The following CAPRIN1 variants were observed in gnomAD, a reference collection of about 807,000 sequenced individuals.
CAPRIN1 encodes the protein caprin-1.
CAPRIN1 carries 29 observed loss-of-function variants against 100.9 expected under a neutral mutation model. The observed-to-expected ratio is 0.29, with a 90% CI of 0.21 to 0.39. The LOEUF (loss-of-function observed/expected upper bound fraction) is 0.39, where lower values mean the gene tolerates loss of function less well. Among genes scored for constraint, CAPRIN1 ranks in the 10% least tolerant of loss-of-function variants. The pLI is 1.00. For missense variants in CAPRIN1, 795 were observed against 876.7 expected, an observed-to-expected ratio of 0.91 and a Z score of 1.18; for synonymous variants, 338 against 307.5, an observed-to-expected ratio of 1.10 and a Z score of -1.04.
intron 11 of CAPRIN1, 105 bp from the exon 12 acceptor site, chr11:34,089,283 CAAAAAAA>C (rs547881239): frequency 3.7e-4 from 8 of 21,550 alleles, no homozygotes; most frequent in Admixed American, 1.3e-3. Flanking sequence ...CCCCCCCCCG[CAAAAAAA>C]AAAAAAAAAA....
intron 2 of CAPRIN1, among the ~76,000 whole-genome samples, chr11:34,067,652 C>A (rs1850725580): frequency 6.6e-6 from 1 of 152,048 alleles, no homozygotes; most frequent in Non-Finnish European, 1.5e-5. Flanking sequence ...TAAAAAATTT[C>A]CACGCCTCGG....
In CAPRIN1 at chr11:34,099,541, A is replaced by G; in HGVS notation, c.*174A>G. On this transcript the variant is annotated 3_prime_UTR_variant, in exon 19 of 19. Coordinates refer to ENST00000341394, the MANE Select transcript of CAPRIN1 (RefSeq NM_005898.5). Reference sequence around the variant, plus strand: ...ATTGTCAGCTTTCTATTACCTGGATATGGAAGGAAACTATTTTTACTCTGC... The same window carrying G: ...ATTGTCAGCTTTCTATTACCTGGATGTGGAAGGAAACTATTTTTACTCTGC... 1.6e-6 allele frequency: 1 copy of G among 618,986 alleles called. No homozygotes were observed. Among genetic ancestry groups the G allele is most frequent in the Non-Finnish European group, 2.9e-6 (1 of 347,070 alleles). The allele number at this position is 618,986 out of a possible 1,614,324, so 38.3% of individuals were successfully genotyped here.
At chr11:34,083,177 G>T in intron 9 of CAPRIN1, 136 bp downstream of exon 9, 1 of 633,966 alleles carries the variant, frequency 1.6e-6, no homozygotes. Context: ...ACACCAGACT[G>T]TTACTTCCAA....
At chr11:34,082,782 A>G (rs1851059149) in intron 7 of CAPRIN1, 43 bp from the exon 8 acceptor site, 4 of 1,481,446 alleles carry the variant, frequency 2.7e-6, no homozygotes, top group Non-Finnish European at 3.8e-6. Flanking sequence ...AGTATCACTG[A>G]CCTAAAAATC....
Position 34,091,908 on chromosome 11 carries a change from G to A in CAPRIN1, c.1557G>A (p.Val519=), listed in dbSNP as rs1851272555. The change falls in exon 15 of 19, where the codon GTG becomes GTA. Residue 519 remains valine, a splice_region_variant and synonymous_variant. Coordinates refer to ENST00000341394, the MANE Select transcript of CAPRIN1 (RefSeq NM_005898.5). Reference sequence around the variant, plus strand: ...TCATTTACTTTATTTACTAACAGGTGTTCAATATGAATGCCCCAGTTCCTC... The same window carrying A: ...TCATTTACTTTATTTACTAACAGGTATTCAATATGAATGCCCCAGTTCCTC... ...NAAPFQSMQT[V]FNMNAPVPPV... The A allele has an allele frequency of 6.2e-7, 1 of 1,610,458 alleles. No individual in the cohort carries two copies. Among genetic ancestry groups the A allele is most frequent in the African/African-American group, 1.3e-5 (1 of 74,662 alleles).
At chr11:34,088,058 C>T (rs996407763) in intron 11 of CAPRIN1, among the ~76,000 whole-genome samples, 2 of 152,112 alleles carry the variant, frequency 1.3e-5, no homozygotes, top group African/African-American at 2.4e-5. Flanking sequence ...AGTGCAGTGG[C>T]GCATTCTTGG....
In CAPRIN1 at chr11:34,076,629, A is replaced by G. The variant is rs981730661; in HGVS notation, c.675A>G (p.Val225=). 1.2e-6 allele frequency: 2 copies of G among 1,609,686 alleles called. No homozygotes were observed. Among genetic ancestry groups the G allele is most frequent in the Non-Finnish European group, 1.7e-6 (2 of 1,176,004 alleles). Residue 225 remains valine (V), a synonymous_variant, in exon 6 of 19, where the codon GTA becomes GTG. Transcript: ENST00000341394. ...TGCTGGAAGGGAAGGAAAAACCTGT[A>G]TGTGGAACCACCTGTGAGTATCACT... ...WDLLEGKEKP[V]CGTTYKVLKE...
rs1437347705 is a variant in CAPRIN1, at chr11:34,086,408, C to T, written c.1226C>T (p.Pro409Leu). 6 of 1,603,280 alleles carry T rather than the reference C, an allele frequency of 3.7e-6. No homozygotes were observed. The highest frequency in any genetic ancestry group is 5.1e-6 in the Non-Finnish European group (6 of 1,171,154). ...QNMDMPQLVC[P>L]PVHSESRLAQ... ...ATGGACATGCCCCAGCTGGTTTGCC[C>T]TCCAGGTTAGTAGTGGTACATTTTT... The change falls in exon 11 of 19, where the codon CCT becomes CTT. Residue 409 changes from proline to leucine, a missense_variant. Transcript: ENST00000341394.
chr11:34,091,053 C>T (rs1851253939), intron 14 of CAPRIN1, among the ~76,000 whole-genome samples: 1 of 152,102 alleles, frequency 6.6e-6, no homozygotes, highest in African/African-American at 2.4e-5. Flanking sequence ...TTTGAAGTTT[C>T]AGATGTTATG....
At chr11:34,093,642 A>T (rs1851307075) in intron 15 of CAPRIN1, among the ~76,000 whole-genome samples, 1 of 152,170 alleles carries the variant, frequency 6.6e-6, no homozygotes. Flanking sequence ...CCATACTCTG[A>T]TAGAAGTTAT....
chr11:34,076,640 C>T lies in CAPRIN1; in HGVS notation c.686C>T (p.Thr229Ile). 1.9e-6 allele frequency: 3 copies of T among 1,597,776 alleles called. No individual in the cohort carries two copies. The highest frequency in any genetic ancestry group is 8.6e-7 in the Non-Finnish European group (1 of 1,165,552). Residue 229 changes from threonine to isoleucine, a missense_variant and splice_region_variant, in exon 6 of 19, where the codon ACC (threonine) becomes ATC (isoleucine). Transcript: ENST00000341394. ...EGKEKPVCGT[T>I]YKVLKEIVER... ...AAGGAAAAACCTGTATGTGGAACCA[C>T]CTGTGAGTATCACTGTGATAACTTT...
At position 34,090,278 on chromosome 11, in the gene CAPRIN1, G is replaced by A; in HGVS notation, c.1393G>A (p.Asp465Asn). 1.2e-6 allele frequency: 2 copies of A among 1,612,186 alleles called. No homozygotes were observed. The highest frequency in any genetic ancestry group is 1.7e-6 in the Non-Finnish European group (2 of 1,178,298). The change falls in exon 13 of 19, where the codon GAT (aspartate) becomes AAT (asparagine). Residue 465 changes from aspartate (D) to asparagine (N), a missense_variant. Transcript: ENST00000341394. ...TEQRPQKEPI[D>N]QIQATISLNT... ...GCAACGACCACAGAAGGAACCAATT[G>A]ATCAGATTCAGGCAAGTTCTGTTAC...
At chr11:34,088,239 G>A (rs1043165367) in intron 11 of CAPRIN1, among the ~76,000 whole-genome samples, 1 of 152,090 alleles carries the variant, frequency 6.6e-6, no homozygotes, top group Non-Finnish European at 1.5e-5. Flanking sequence ...TCTTGACCTC[G>A]TGATCCACCC....
intron 12 of CAPRIN1, 143 bp from the exon 13 acceptor site, chr11:34,090,036 T>G: frequency 2.0e-6 from 1 of 493,992 alleles, no homozygotes; most frequent in South Asian, 3.4e-5. Flanking sequence ...TATACAAATT[T>G]AAAGAGAGAT....
At position 34,100,182 on chromosome 11, in the gene CAPRIN1, A is replaced by ACTAT. The variant is rs5790976; in HGVS notation, c.*821_*824dup. On this transcript the variant is annotated 3_prime_UTR_variant, in exon 19 of 19. Coordinates refer to ENST00000341394, the MANE Select transcript of CAPRIN1 (RefSeq NM_005898.5). ...GACAATGACTTTTGTAAGGATTGGT[A>ACTAT]CTATCTATCATTCCTTATGACATGT... 0.1 allele frequency: 15,507 copies of ACTAT among 152,204 alleles called. 844 individuals carry two copies. The highest frequency in any genetic ancestry group is 0.15 in the African/African-American group (6,246 of 41,490). The allele number at this position is 152,204 out of a possible 1,614,324, so 9.4% of individuals were successfully genotyped here.
chr11:34,095,722 T>A (rs144318219), intron 15 of CAPRIN1: 6 of 152,336 alleles, frequency 3.9e-5, no homozygotes, highest in African/African-American at 1.4e-4. Flanking sequence ...CTTTGAATTA[T>A]AAACATTGTT....
intron 2 of CAPRIN1, among the ~76,000 whole-genome samples, chr11:34,060,929 T>C (rs1850564836): frequency 6.6e-6 from 1 of 152,236 alleles, no homozygotes. Flanking sequence ...GGTAATTTGC[T>C]TTTCAAATCT....
At chr11:34,084,835 A>G (rs1851107072) in intron 9 of CAPRIN1, among the ~76,000 whole-genome samples, 1 of 152,190 alleles carries the variant, frequency 6.6e-6, no homozygotes, top group South Asian at 2.1e-4. Flanking sequence ...ATATTGACAT[A>G]GTAGGAAGAA....
chr11:34,057,222 A>G (rs1340772458), intron 2 of CAPRIN1, among the ~76,000 whole-genome samples: 1 of 152,234 alleles, frequency 6.6e-6, no homozygotes, highest in East Asian at 1.9e-4. Context: ...TCTGCAATGC[A>G]GAGGGCAAGA....
Sources: gnomAD v4.1 joint callset for allele counts (sites outside exome capture counted in the v4.1 genomes callset) on GRCh38, gnomAD v4.1.1 for gene constraint, MANE v1.5 for transcripts, NCBI Gene and HGNC (gene_info 2026-07-23, HGNC 2026-07-21) for gene names.